COP1: variants seen among roughly 807,000 people sequenced by gnomAD.
COP1 encodes COP1 E3 ubiquitin ligase.
A neutral mutation model predicts 101.3 loss-of-function variants in COP1; 24 were observed. The ratio of observed to expected loss-of-function variants is 0.24; its 90% confidence interval spans 0.17 to 0.33. COP1 has a LOEUF of 0.33. Ranked by LOEUF, COP1 falls within the 10% of genes least tolerant of loss-of-function variation. The pLI, the probability that COP1 is intolerant of heterozygous loss-of-function variation, is 1.00. For missense variants in COP1, 663 were observed against 906.2 expected (o/e 0.73, Z 3.45); for synonymous variants, 347 against 341.9 (o/e 1.01, Z -0.17).
At chr1:176,050,134 G>C (rs1214317430) in intron 11 of COP1, among the ~76,000 whole-genome samples, 6 of 151,998 alleles carry the variant, frequency 3.9e-5, no homozygotes, top group Admixed American at 3.9e-4. Flanking sequence ...CGTGTTTCTG[G>C]GGACATAAAT....
intron 14 of COP1, among the ~76,000 whole-genome samples, chr1:176,031,002 T>C (rs1668563699): frequency 6.6e-6 from 1 of 152,140 alleles, no homozygotes; most frequent in South Asian, 2.1e-4. Flanking sequence ...AAGACCAGAA[T>C]GATACAGCTA....
At chr1:176,151,395 AAGAAAGAAAGAAAGAAAGAAAG>A (rs1692544062) in intron 5 of COP1, among the ~76,000 whole-genome samples, 1 of 126,610 alleles carries the variant, frequency 7.9e-6, no homozygotes, top group African/African-American at 2.5e-5. Context: ...GAAAGAAAGA[AAGAAAGAAAGAAAGAAAGAAAG>A]AAACATATTT....
chr1:175,995,819 C>G lies in COP1; in HGVS notation c.1730-6340G>C, dbSNP rs141980763. ...TCACAGCCGAATTCTACCAGAGGTA[C>G]AAGGAGGAACTGGTATCATTCCTTC... On this transcript the variant is annotated intron_variant, in intron 15 of 19. Coordinates refer to ENST00000367669, the MANE Select transcript of COP1 (RefSeq NM_022457.7). Among the ~76,000 whole-genome samples, 662 of 152,244 alleles carry G rather than the reference C, an allele frequency of 4.3e-3. 8 individuals carry two copies. The highest frequency in any genetic ancestry group is 0.015 in the African/African-American group (621 of 41,538).
chr1:175,962,299 T>C (rs376562463), intron 18 of COP1, among the ~76,000 whole-genome samples: 1 of 152,134 alleles, frequency 6.6e-6, no homozygotes, highest in East Asian at 1.9e-4. Context: ...TTACTTCCTG[T>C]ACCAGGAAAG....
chr1:176,184,087 AAAG>A (rs1420775602), intron 2 of COP1, among the ~76,000 whole-genome samples: 1 of 152,122 alleles, frequency 6.6e-6, no homozygotes, highest in Non-Finnish European at 1.5e-5. Context: ...CTCCAAGACT[AAAG>A]AACCAGAAAA....
chr1:176,183,357 C>T (rs1204786237), intron 2 of COP1, among the ~76,000 whole-genome samples: 6 of 152,020 alleles, frequency 3.9e-5, no homozygotes, highest in African/African-American at 9.7e-5. Context: ...AAATAATATG[C>T]CAACAGAATA....
At chr1:176,202,895 C>G (rs1163348443) in intron 1 of COP1, among the ~76,000 whole-genome samples, 1 of 152,094 alleles carries the variant, frequency 6.6e-6, no homozygotes, top group Non-Finnish European at 1.5e-5. Context: ...TATAATTACA[C>G]AGTTAAAAGC....
chr1:176,082,600 A>T (rs1679383462), intron 10 of COP1, among the ~76,000 whole-genome samples: 1 of 152,136 alleles, frequency 6.6e-6, no homozygotes, highest in Non-Finnish European at 1.5e-5. Flanking sequence ...TGAGGTCGGG[A>T]GTTCGAGACC....
chr1:176,159,559 G>A (rs1693977221), intron 5 of COP1, among the ~76,000 whole-genome samples: 1 of 152,038 alleles, frequency 6.6e-6, no homozygotes, highest in Non-Finnish European at 1.5e-5. Flanking sequence ...GAATTGAGAA[G>A]AACCTAAATG....
chr1:176,133,593 T>C (rs1481370712), intron 8 of COP1, among the ~76,000 whole-genome samples: 1 of 151,918 alleles, frequency 6.6e-6, no homozygotes, highest in African/African-American at 2.4e-5. Context: ...CTTTGTCAGC[T>C]AGATCCAACA....
chr1:176,128,012 CTTCTTTTCTATGTCTTCTT>C (rs1358121371), intron 8 of COP1, among the ~76,000 whole-genome samples: 1 of 80,446 alleles, frequency 1.2e-5, no homozygotes, highest in Non-Finnish European at 3.4e-5. Flanking sequence ...ATATCTATGT[CTTCTTTTCTATGTCTTCTT>C]TTGAGAAATA....
intron 15 of COP1, among the ~76,000 whole-genome samples, chr1:175,998,353 C>G (rs1156312134): frequency 2.0e-5 from 3 of 151,242 alleles, no homozygotes; most frequent in South Asian, 2.1e-4. Flanking sequence ...GGAGATATAC[C>G]TAATGCTAAA....
At chr1:176,173,767 C>G (rs1198301301) in intron 3 of COP1, among the ~76,000 whole-genome samples, 1 of 151,890 alleles carries the variant, frequency 6.6e-6, no homozygotes, top group South Asian at 2.1e-4. Context: ...GCGGGAGGAT[C>G]GCTTGAGTCC....
chr1:176,189,664 T>C (rs1385309055), intron 1 of COP1, among the ~76,000 whole-genome samples: 1 of 151,528 alleles, frequency 6.6e-6, no homozygotes, highest in Admixed American at 6.6e-5. Flanking sequence ...GCTCTAAAAA[T>C]AGTAATGATG....
chr1:176,106,978 T>G lies in COP1; in HGVS notation c.1026+9646A>C, dbSNP rs74728598. ...ATTCTAAATCTGGTGACAAAGCAAT[T>G]CCGGTGCAACCTAGCAGTGGAAGGA... is the stretch of plus-strand genomic sequence containing the variant. On this transcript the variant is annotated intron_variant, in intron 9 of 19. Transcript: ENST00000367669. Among the ~76,000 whole-genome samples, 27 of 152,258 alleles carry G rather than the reference T, an allele frequency of 1.8e-4. 2 individuals carry two copies. In the East Asian group the frequency reaches 4.6e-3, roughly 26 times the overall value.
intron 10 of COP1, among the ~76,000 whole-genome samples, chr1:176,082,469 CTG>C (rs1476448987): frequency 1.1e-4 from 16 of 152,100 alleles, no homozygotes; most frequent in Non-Finnish European, 2.1e-4. Flanking sequence ...TTGAAAATAA[CTG>C]TTTGCATGAC....
At position 176,136,491 on chromosome 1, in the gene COP1, C is replaced by T. The variant is rs747055575; in HGVS notation, c.888G>A (p.Val296=). The T allele has an allele frequency of 1.3e-6, 2 of 1,594,928 alleles. No homozygotes were observed. The highest frequency in any genetic ancestry group is 1.7e-6 in the Non-Finnish European group (2 of 1,166,492). ...LSVLEEDIKR[V]EEMSGLYSPV... is the part of the protein sequence containing the mutation. Reference sequence around the variant, plus strand: ...TGAGAAATTCTTGATTCCTTACTTCCACTCTCTTAATATCCTCTTCCAAAA... The same window carrying T: ...TGAGAAATTCTTGATTCCTTACTTCTACTCTCTTAATATCCTCTTCCAAAA... Residue 296 remains valine (V), a synonymous_variant, in exon 7 of 20, where the codon GTG becomes GTA. Transcript: ENST00000367669.
At chr1:176,121,941 C>T (rs1687185121) in intron 8 of COP1, among the ~76,000 whole-genome samples, 3 of 151,840 alleles carry the variant, frequency 2.0e-5, no homozygotes, top group South Asian at 2.1e-4. Flanking sequence ...GAGATGGAGA[C>T]CATCCTGGCT....
chr1:176,178,125 A>G (rs1697214477), intron 2 of COP1, among the ~76,000 whole-genome samples: 1 of 152,222 alleles, frequency 6.6e-6, no homozygotes, highest in South Asian at 2.1e-4. Context: ...ACTGAAGGAA[A>G]TAACATACTA....
Sources: gnomAD v4.1 joint callset for allele counts (sites outside exome capture counted in the v4.1 genomes callset) on GRCh38, gnomAD v4.1.1 for gene constraint, MANE v1.5 for transcripts, NCBI Gene and HGNC (gene_info 2026-07-23, HGNC 2026-07-21) for gene names.